RAB33A: variants seen among roughly 807,000 people sequenced by gnomAD.
The protein encoded by RAB33A is ras-related protein Rab-33A.
Under a neutral mutation model 12.0 loss-of-function variants are expected in RAB33A, and 6 were observed. That is an observed-to-expected ratio of 0.50 (90% CI 0.27 to 0.99). The LOEUF is 0.99. RAB33A is among the 50% of genes least tolerant of loss of function. The pLI is 0.11. For missense variants in RAB33A, 109 were observed against 192.0 expected, an observed-to-expected ratio of 0.57 and a Z score of 2.55; for synonymous variants, 70 against 82.4, an observed-to-expected ratio of 0.85 and a Z score of 0.81.
the RAB33A span, among the ~76,000 whole-genome samples, chrX:130,159,067 ACC>A: frequency 8.9e-6 from 1 of 111,987 alleles, no homozygotes; most frequent in Non-Finnish European, 1.9e-5. Flanking sequence ...ACATAGTGAC[ACC>A]TAGCAAGGTA....
At chrX:130,147,641 AT>A in the RAB33A span, 1 of 1,211,986 alleles carries the variant, frequency 8.3e-7, no homozygotes, top group Non-Finnish European at 1.1e-6. Context: ...CATAAAAATC[AT>A]GACGCTTATC....
At chrX:130,140,997 TC>T in the RAB33A span, among the ~76,000 whole-genome samples, 1 of 112,188 alleles carries the variant, frequency 8.9e-6, no homozygotes, top group African/African-American at 3.2e-5. Context: ...ATGCCTGTGG[TC>T]CCAGCTACTG....
intron 1 of RAB33A, among the ~76,000 whole-genome samples, chrX:130,182,236 A>C (rs2031739321): frequency 9.8e-6 from 1 of 101,892 alleles, no homozygotes; most frequent in Non-Finnish European, 2.0e-5. Flanking sequence ...TATGTAATAT[A>C]TATAACATAT....
At chrX:130,181,810 G>A (rs2031729238) in intron 1 of RAB33A, among the ~76,000 whole-genome samples, 1 of 110,190 alleles carries the variant, frequency 9.1e-6, no homozygotes, top group Admixed American at 9.8e-5. Flanking sequence ...AGCTGGGCAT[G>A]GTGGCGCACG....
At chrX:130,137,410 T>C in the RAB33A span, 1 of 1,157,089 alleles carries the variant, frequency 8.6e-7, no homozygotes, top group African/African-American at 1.8e-5. Context: ...CAGATTAAGC[T>C]TCAGATGGTG....
the RAB33A span, among the ~76,000 whole-genome samples, chrX:130,115,709 A>AAAAG: frequency 8.6e-4 from 88 of 102,900 alleles, no homozygotes; most frequent in Admixed American, 3.6e-3. Flanking sequence ...GGAGAAAGAA[A>AAAAG]AAAGAAAGAA....
the RAB33A span, among the ~76,000 whole-genome samples, chrX:130,162,620 T>A: frequency 0.017 from 1,942 of 112,354 alleles, 38 homozygotes; most frequent in African/African-American, 0.054. Flanking sequence ...GACTCATCTT[T>A]TAGGCTTCAA....
At chrX:130,163,219 A>T in the RAB33A span, among the ~76,000 whole-genome samples, 1 of 107,265 alleles carries the variant, frequency 9.3e-6, no homozygotes, top group Non-Finnish European at 1.9e-5. Flanking sequence ...CTGACGCAGG[A>T]GAATTGCTTG....
At chrX:130,124,427 G>A in the RAB33A span, among the ~76,000 whole-genome samples, 1 of 112,080 alleles carries the variant, frequency 8.9e-6, no homozygotes, top group African/African-American at 3.2e-5. Context: ...AGACATCCTA[G>A]GTGAGAACCT....
At chrX:130,138,231 C>T in the RAB33A span, among the ~76,000 whole-genome samples, 2 of 111,345 alleles carry the variant, frequency 1.8e-5, no homozygotes, top group East Asian at 2.8e-4. Flanking sequence ...TTTGGGAGGC[C>T]AAGGTGGGCG....
At chrX:130,135,665 T>C in the RAB33A span, among the ~76,000 whole-genome samples, 1 of 111,518 alleles carries the variant, frequency 9.0e-6, no homozygotes, top group African/African-American at 3.3e-5. Context: ...TTTTCCTTTC[T>C]AGGGAACAGG....
chrX:130,182,993 C>A (rs2031748129), intron 1 of RAB33A, among the ~76,000 whole-genome samples: 2 of 108,819 alleles, frequency 1.8e-5, no homozygotes, highest in Admixed American at 9.9e-5. Context: ...CAACCACCGC[C>A]TCCCGGGTTC....
At chrX:130,120,467 C>G in the RAB33A span, among the ~76,000 whole-genome samples, 22 of 111,560 alleles carry the variant, frequency 2.0e-4, no homozygotes, top group African/African-American at 3.3e-4. Context: ...AAACCCACCC[C>G]CAACGCCCCA....
the RAB33A span, chrX:130,129,611 C>T: frequency 8.3e-7 from 1 of 1,209,570 alleles, no homozygotes; most frequent in African/African-American, 1.7e-5. Flanking sequence ...CTTCATGCTG[C>T]TCACCGTCCT....
At chrX:130,131,935 C>A in the RAB33A span, 2 of 763,182 alleles carry the variant, frequency 2.6e-6, no homozygotes, top group Middle Eastern at 8.1e-4. Context: ...GCAATGGGTG[C>A]GAACTCAGTT....
chrX:130,129,736 G>T, the RAB33A span: 1 of 836,590 alleles, frequency 1.2e-6, no homozygotes, highest in Non-Finnish European at 1.8e-6. Flanking sequence ...CTGGGAGGGA[G>T]TTGTGGGAAC....
the RAB33A span, chrX:130,148,040 A>T: frequency 3.2e-6 from 2 of 624,114 alleles, no homozygotes; most frequent in Non-Finnish European, 5.1e-6. Context: ...TCCTGATGGG[A>T]GAGGAAAAGC....
the RAB33A span, chrX:130,155,228 A>G: frequency 1.7e-6 from 2 of 1,209,081 alleles, no homozygotes; most frequent in Admixed American, 4.4e-5. Flanking sequence ...CATCTTTCCC[A>G]GAAGCACCTG....
chrX:130,140,676 T>A, the RAB33A span: 2 of 891,248 alleles, frequency 2.2e-6, no homozygotes, highest in South Asian at 4.0e-5. Flanking sequence ...TGAAAAAGTT[T>A]TATTGAGATA....
Sources: allele counts gnomAD v4.1 joint callset (sites outside exome capture counted in the v4.1 genomes callset), GRCh38; gene constraint gnomAD v4.1.1; transcripts MANE v1.5; gene names NCBI Gene and HGNC (gene_info 2026-07-23, HGNC 2026-07-21).